Variants in REPS2 observed in about 807,000 individuals in gnomAD.
REPS2 encodes the protein RALBP1 associated Eps domain containing 2, also known as ralBP1-associated Eps domain-containing protein 2.
REPS2 carries 23 observed loss-of-function variants against 53.6 expected under a neutral mutation model. That is an observed-to-expected ratio of 0.43 (90% confidence interval 0.31 to 0.61). The LOEUF is 0.61. Among genes scored for constraint, REPS2 ranks in the 20% least tolerant of loss-of-function variants. The probability of loss-of-function intolerance (pLI) is 0.11; values close to 1 mark genes in which losing one functional copy is unlikely to be tolerated. For synonymous variants in REPS2, 238 were observed against 218.6 expected, an observed-to-expected ratio of 1.09 and a Z score of -0.78; for missense variants, 446 against 534.9, an observed-to-expected ratio of 0.83 and a Z score of 1.64.
At chrX:16,975,996 A>G (rs966227460) in intron 1 of REPS2, among the ~76,000 whole-genome samples, 4 of 111,926 alleles carry the variant, frequency 3.6e-5, no homozygotes, top group Non-Finnish European at 3.8e-5. Context: ...TACATTCACA[A>G]TGTTGTGCAA....
chrX:17,077,260 T>C lies in REPS2; in HGVS notation c.1380-11T>C. 3 of 1,163,425 alleles carry C rather than the reference T, an allele frequency of 2.6e-6. No homozygotes were observed. The highest frequency in any genetic ancestry group is 3.4e-6 in the Non-Finnish European group (3 of 872,862). Reference sequence around the variant, plus strand: ...CTATTTCGCTTCTGACCTTCCCTTATTTTGCTACAGATCTTACTCTAGCAC... The same window carrying C: ...CTATTTCGCTTCTGACCTTCCCTTACTTTGCTACAGATCTTACTCTAGCAC... On this transcript the variant is annotated splice_polypyrimidine_tract_variant and intron_variant, in intron 12 of 17. Coordinates refer to ENST00000357277, the MANE Select transcript of REPS2 (RefSeq NM_004726.3).
intron 14 of REPS2, among the ~76,000 whole-genome samples, chrX:17,131,957 G>A (rs1603103000): frequency 1.2e-5 from 1 of 83,653 alleles, no homozygotes; most frequent in Admixed American, 1.4e-4. Flanking sequence ...GATACTTTTT[G>A]TGAACAGTCA....
At position 16,946,765 on chromosome X, in the gene REPS2, C is replaced by CGGCGGCGGTGGTGGCGGCGGCGGA. The variant is rs2147573137; in HGVS notation, c.-89_-88insTGGTGGCGGCGGCGGAGGCGGCGG. On this transcript the variant is annotated 5_prime_UTR_variant, in exon 1 of 18. Coordinates refer to ENST00000357277, the MANE Select transcript of REPS2 (RefSeq NM_004726.3). ...GCGGCGGCGGTGGTGGCGGCGGCGG[C>CGGCGGCGGTGGTGGCGGCGGCGGA]GGCGGCGGCAGCTGAGGCCGAGGAG... is the stretch of plus-strand genomic sequence containing the variant. 1 of 750,327 alleles carries CGGCGGCGGTGGTGGCGGCGGCGGA rather than the reference C, an allele frequency of 1.3e-6. No individual in the cohort carries two copies. The highest frequency in any genetic ancestry group is 2.5e-5 in the African/African-American group (1 of 40,516). 61.8% of individuals were successfully genotyped at this position (750,327 alleles called of 1,213,427 possible).
chrX:17,022,401 C>A, intron 3 of REPS2, 130 bp downstream of exon 3: 1 of 599,794 alleles, frequency 1.7e-6, no homozygotes, highest in Non-Finnish European at 2.5e-6. Flanking sequence ...TGGAAGTGAG[C>A]CAGTAAAGTT....
chrX:17,139,097 T>C (rs910722025), intron 17 of REPS2, 136 bp downstream of exon 17: 8 of 388,465 alleles, frequency 2.1e-5, no homozygotes, highest in Non-Finnish European at 3.1e-5. Flanking sequence ...ATACCTATCA[T>C]GTACAGTGAT....
intron 6 of REPS2, among the ~76,000 whole-genome samples, chrX:17,050,041 A>G (rs1428286288): frequency 9.4e-6 from 1 of 106,523 alleles, no homozygotes; most frequent in Admixed American, 1.0e-4. Context: ...TGCAAGCTCC[A>G]TTCATGGTAA....
In REPS2 at chrX:17,065,203, T is replaced by C. The variant is rs567359602; in HGVS notation, c.1209+2671T>C. Among the ~76,000 whole-genome samples, 16 of 112,337 alleles carry C rather than the reference T, an allele frequency of 1.4e-4. No homozygotes were observed. The South Asian group carries it at 5.6e-3, about 39-fold the overall frequency. ...ACTTTCTGAGGAACCACCAAACTGC[T>C]TTCCAAAGCAACTATACTATTTTAC... On this transcript the variant is annotated intron_variant, in intron 9 of 17. Coordinates refer to ENST00000357277, the MANE Select transcript of REPS2 (RefSeq NM_004726.3).
intron 2 of REPS2, among the ~76,000 whole-genome samples, chrX:17,016,335 G>A (rs932117464): frequency 1.8e-5 from 2 of 112,586 alleles, no homozygotes; most frequent in Non-Finnish European, 3.8e-5. Context: ...TGGACAGCAT[G>A]TAATCAGAGG....
At chrX:17,166,189 G>A in the REPS2 span, among the ~76,000 whole-genome samples, 89 of 111,153 alleles carry the variant, frequency 8.0e-4, no homozygotes, top group Non-Finnish European at 1.3e-3. Flanking sequence ...GGTGGAAGAG[G>A]TGTTGCTTTC....
chrX:16,983,936 A>G (rs755165609), intron 1 of REPS2, among the ~76,000 whole-genome samples: 1 of 112,818 alleles, frequency 8.9e-6, no homozygotes, highest in East Asian at 2.8e-4. Context: ...TTCTTTCCAC[A>G]CTGCTATACT....
At chrX:17,181,031 C>T in the REPS2 span, among the ~76,000 whole-genome samples, 1 of 112,107 alleles carries the variant, frequency 8.9e-6, no homozygotes, top group Non-Finnish European at 1.9e-5. Context: ...TTTTCTCCCA[C>T]TCAGTTCTTC....
At chrX:17,082,120 C>G (rs763141728) in intron 13 of REPS2, among the ~76,000 whole-genome samples, 23 of 112,096 alleles carry the variant, frequency 2.1e-4, no homozygotes, top group Non-Finnish European at 3.2e-4. Context: ...TGCCTCTTCT[C>G]AAAGCCATGC....
At chrX:17,080,305 C>CCT (rs749508049) in intron 13 of REPS2, among the ~76,000 whole-genome samples, 2 of 98,366 alleles carry the variant, frequency 2.0e-5, no homozygotes, top group Admixed American at 2.3e-4. Context: ...TGCAAACAAA[C>CCT]CTCTCTCTCT....
intron 1 of REPS2, among the ~76,000 whole-genome samples, chrX:16,979,789 T>A (rs867600948): frequency 2.7e-5 from 3 of 109,530 alleles, no homozygotes; most frequent in Non-Finnish European, 5.7e-5. Flanking sequence ...ATCCCTTAGG[T>A]TATTACTTTT....
In REPS2 at chrX:17,122,875, T is replaced by C. The variant is rs1272946290; in HGVS notation, c.1579-10949T>C. On this transcript the variant is annotated intron_variant, in intron 14 of 17. Transcript: ENST00000357277. ...AGTCTAAGTGTGAACTATCAGTAAG[T>C]CGGAAAGGATGTTACTCTAATACTC... 2.7e-5 allele frequency among the ~76,000 whole-genome samples: 3 copies of C among 111,872 alleles called. No individual in the cohort carries two copies. In the East Asian group the frequency reaches 8.4e-4, roughly 31 times the overall value.
chrX:17,049,683 A>T (rs2061953557), intron 6 of REPS2, among the ~76,000 whole-genome samples: 1 of 111,278 alleles, frequency 9.0e-6, no homozygotes, highest in South Asian at 3.7e-4. Context: ...TGAAATAAGC[A>T]CATCATGAAG....
At position 16,947,035 on chromosome X, in the gene REPS2, C is replaced by T. The variant is rs1403546963; in HGVS notation, c.174C>T (p.Pro58=). 5.1e-6 allele frequency: 5 copies of T among 989,737 alleles called. No individual in the cohort carries two copies. In the African/African-American group the frequency reaches 1.0e-4, roughly 20 times the overall value. 81.6% of individuals were successfully genotyped at this position (989,737 alleles called of 1,213,427 possible). The change falls in exon 1 of 18, where the codon CCC becomes CCT. Residue 58 remains proline (P), a synonymous_variant. Transcript: ENST00000357277. ...AAGGGPGSGP[P]EAARVAPGTA... Reference sequence around the variant, plus strand: ...GCGGGGGCCCCGGGTCTGGGCCCCCCGAGGCCGCCAGAGTCGCCCCCGGCA... The same window carrying T: ...GCGGGGGCCCCGGGTCTGGGCCCCCTGAGGCCGCCAGAGTCGCCCCCGGCA...
Position 17,056,019 on chromosome X carries a change from CAAAA to C in REPS2, c.1114+1078_1114+1081del, listed in dbSNP as rs1331356576. Among the ~76,000 whole-genome samples the C allele has an allele frequency of 8.0e-3, 866 of 108,314 alleles. 8 individuals are homozygous for C. The highest frequency in any genetic ancestry group is 0.023 in the African/African-American group (697 of 29,817). 94.1% of individuals were successfully genotyped at this position (108,314 alleles called of 115,157 possible). On this transcript the variant is annotated intron_variant, in intron 8 of 17. Transcript: ENST00000357277. ...AATAAAAAATAAAAAAACAAACAAA[CAAAA>C]AAAAAAAACAAAAAAACTTTTGTTT...
rs61196590 is a variant in REPS2 at position 17,093,200 on chromosome X, A to ATATATATATATATATATATATAT, written c.1517-10518_1517-10517insTATATATATATATATATATATAT. Among the ~76,000 whole-genome samples, 80 of 15,461 alleles carry ATATATATATATATATATATATAT rather than the reference A, an allele frequency of 5.2e-3. 1 individual carries two copies. The highest frequency in any genetic ancestry group is 6.1e-3 in the Non-Finnish European group (57 of 9,397). The allele number at this position is 15,461 out of a possible 115,157, so 13.4% of individuals were successfully genotyped here. A position where few individuals can be genotyped will look rare whatever the true frequency, so the allele number is the denominator to read the frequency against. ...TATATATATATATATATATATATAT[A>ATATATATATATATATATATATAT]ATTTTTTTTTTGGAAAGAGTGGCAA... On this transcript the variant is annotated intron_variant, in intron 13 of 17. Transcript: ENST00000357277.
Sources: allele counts gnomAD v4.1 joint callset (sites outside exome capture counted in the v4.1 genomes callset), GRCh38; gene constraint gnomAD v4.1.1; transcripts MANE v1.5; gene names NCBI Gene and HGNC (gene_info 2026-07-23, HGNC 2026-07-21).